ITGA8: variants seen among roughly 807,000 people sequenced by gnomAD.
ITGA8 encodes the protein integrin alpha-8.
Under a neutral mutation model 142.3 loss-of-function variants are expected in ITGA8, and 91 were observed. The observed-to-expected ratio is 0.64, with a 90% CI of 0.54 to 0.76. ITGA8 has a LOEUF of 0.76. ITGA8 is among the 30% of genes least tolerant of loss of function. The probability of loss-of-function intolerance (pLI) is 0.00; values close to 1 mark genes in which losing one functional copy is unlikely to be tolerated. For missense variants in ITGA8, 1,406 were observed against 1,327.7 expected, an observed-to-expected ratio of 1.06 and a Z score of -0.92; for synonymous variants, 505 against 485.2, an observed-to-expected ratio of 1.04 and a Z score of -0.54.
intron 13 of ITGA8, among the ~76,000 whole-genome samples, chr10:15,628,482 A>G (rs1223386385): frequency 3.3e-5 from 5 of 151,086 alleles, no homozygotes; most frequent in Non-Finnish European, 4.4e-5. Flanking sequence ...ACAGGCGCCC[A>G]CCACCACGCC....
chr10:15,554,036 G>A (rs1833841727), intron 26 of ITGA8, among the ~76,000 whole-genome samples: 1 of 151,906 alleles, frequency 6.6e-6, no homozygotes, highest in South Asian at 2.1e-4. Context: ...TAACACATTT[G>A]GGATTTTCAG....
At position 15,718,881 on chromosome 10, in the gene ITGA8, C is replaced by T; in HGVS notation, c.228G>A (p.Gly76=). 6.2e-7 allele frequency: 1 copy of T among 1,614,100 alleles called. No homozygotes were observed. Among genetic ancestry groups the T allele is most frequent in the Non-Finnish European group, 8.5e-7 (1 of 1,180,038 alleles). ...PDARTASVLV[G]APKANTSQPD... is the part of the protein sequence containing the mutation. ...GCTGGCTGGTGTTGGCTTTGGGCGC[C>T]CCCACCAAGACACTCGCTCTGCAAA... The change falls in exon 2 of 30, where the codon GGG becomes GGA. Residue 76 remains glycine, a synonymous_variant. Coordinates refer to ENST00000378076, the MANE Select transcript of ITGA8 (RefSeq NM_003638.3).
intron 26 of ITGA8, among the ~76,000 whole-genome samples, chr10:15,553,880 C>G (rs1041232983): frequency 1.1e-4 from 16 of 152,024 alleles, no homozygotes; most frequent in Admixed American, 2.0e-4. Flanking sequence ...GTAATCCCAG[C>G]TACTCAGGAG....
chr10:15,690,490 T>G (rs567064147), intron 2 of ITGA8, among the ~76,000 whole-genome samples: 3 of 152,040 alleles, frequency 2.0e-5, no homozygotes, highest in Non-Finnish European at 4.4e-5. Context: ...GAGAGCTGCA[T>G]CTACCCACAC....
chr10:15,673,615 T>C (rs1443243445), intron 6 of ITGA8, among the ~76,000 whole-genome samples: 1 of 152,216 alleles, frequency 6.6e-6, no homozygotes, highest in Non-Finnish European at 1.5e-5. Context: ...TCAATCTAAA[T>C]CACATATCTG....
At chr10:15,615,900 A>G (rs1724442304) in intron 14 of ITGA8, among the ~76,000 whole-genome samples, 1 of 152,054 alleles carries the variant, frequency 6.6e-6, no homozygotes, top group African/African-American at 2.4e-5. Context: ...GCATATTCTC[A>G]CTGAATGCTT....
chr10:15,703,082 T>TTC (rs1835195238), intron 2 of ITGA8, among the ~76,000 whole-genome samples: 1 of 152,250 alleles, frequency 6.6e-6, no homozygotes, highest in Non-Finnish European at 1.5e-5. Context: ...TTAAGTTTCA[T>TTC]ATATAATCGA....
At chr10:15,530,781 T>C (rs937848551) in intron 28 of ITGA8, among the ~76,000 whole-genome samples, 1 of 152,202 alleles carries the variant, frequency 6.6e-6, no homozygotes, top group African/African-American at 2.4e-5. Flanking sequence ...ATAACTGCTA[T>C]CTGAATTCCT....
intron 7 of ITGA8, 141 bp downstream of exon 7, chr10:15,672,483 G>T: frequency 2.0e-6 from 2 of 1,020,536 alleles, no homozygotes; most frequent in Non-Finnish European, 2.8e-6. Flanking sequence ...AAAAAGAAAA[G>T]AAAAATTGAG....
chr10:15,669,862 G>A (rs530310798), intron 8 of ITGA8, among the ~76,000 whole-genome samples: 278 of 152,288 alleles, frequency 1.8e-3, no homozygotes, highest in African/African-American at 6.3e-3. Context: ...CTGCCTGATC[G>A]TTCCTCTGGA....
At chr10:15,610,378 T>C (rs1006919920) in intron 15 of ITGA8, among the ~76,000 whole-genome samples, 3 of 152,220 alleles carry the variant, frequency 2.0e-5, no homozygotes, top group African/African-American at 7.2e-5. Flanking sequence ...CTACAGCTAA[T>C]TACAAAGTAT....
intron 14 of ITGA8, among the ~76,000 whole-genome samples, chr10:15,615,705 G>T (rs1343444097): frequency 2.0e-5 from 3 of 152,096 alleles, no homozygotes; most frequent in Non-Finnish European, 1.5e-5. Flanking sequence ...GTAGAGATGG[G>T]GTTTTGCTAT....
chr10:15,651,640 T>C (rs1400812570), intron 11 of ITGA8, among the ~76,000 whole-genome samples: 1 of 152,168 alleles, frequency 6.6e-6, no homozygotes, highest in African/African-American at 2.4e-5. Flanking sequence ...CTAGATAGCC[T>C]TGTGTACAAA....
At chr10:15,651,332 GA>G (rs1564392514) in intron 11 of ITGA8, among the ~76,000 whole-genome samples, 3 of 152,100 alleles carry the variant, frequency 2.0e-5, no homozygotes, top group Non-Finnish European at 4.4e-5. Flanking sequence ...TTGAGATAAC[GA>G]AACTGAAGAT....
intron 13 of ITGA8, among the ~76,000 whole-genome samples, chr10:15,630,453 T>C (rs1028900299): frequency 4.6e-5 from 7 of 152,056 alleles, no homozygotes; most frequent in African/African-American, 1.7e-4. Flanking sequence ...CAGTCTCAAC[T>C]AATACAGTGT....
At chr10:15,619,151 T>C (rs911868788) in intron 13 of ITGA8, among the ~76,000 whole-genome samples, 1 of 152,214 alleles carries the variant, frequency 6.6e-6, no homozygotes, top group Non-Finnish European at 1.5e-5. Context: ...ATGATCTTTA[T>C]TGCATTCTTC....
intron 3 of ITGA8, among the ~76,000 whole-genome samples, chr10:15,685,201 A>G (rs1458976412): frequency 6.6e-6 from 1 of 152,226 alleles, no homozygotes; most frequent in African/African-American, 2.4e-5. Context: ...CTTGTTATGG[A>G]GAAATTTATC....
intron 2 of ITGA8, among the ~76,000 whole-genome samples, chr10:15,694,205 TATATATGATAA>T (rs1834990307): frequency 7.0e-6 from 1 of 142,434 alleles, no homozygotes; most frequent in African/African-American, 2.6e-5. Context: ...TAATATATCA[TATATATGATAA>T]CATATCATAT....
At chr10:15,556,890 C>T (rs968866043) in intron 26 of ITGA8, among the ~76,000 whole-genome samples, 8 of 152,204 alleles carry the variant, frequency 5.3e-5, no homozygotes, top group Non-Finnish European at 1.2e-4. Context: ...CTGAGGTGAT[C>T]TCTGATTACT....
Sources: allele counts gnomAD v4.1 joint callset (sites outside exome capture counted in the v4.1 genomes callset), GRCh38; gene constraint gnomAD v4.1.1; transcripts MANE v1.5; gene names NCBI Gene and HGNC (gene_info 2026-07-23, HGNC 2026-07-21).